The following GALNTL6 variants were observed in gnomAD, a reference collection of about 807,000 sequenced individuals.
GALNTL6 encodes the protein polypeptide N-acetylgalactosaminyltransferase like 6, also known as polypeptide N-acetylgalactosaminyltransferase-like 6.
Under a neutral mutation model 73.7 loss-of-function variants are expected in GALNTL6, and 46 were observed. The ratio of observed to expected loss-of-function variants is 0.62; its 90% CI spans 0.49 to 0.80. GALNTL6 has a LOEUF of 0.80. GALNTL6 is among the 30% of genes least tolerant of loss of function. GALNTL6 has a pLI of 0.00. For synonymous variants in GALNTL6, 259 were observed against 263.7 expected (o/e 0.98, Z 0.17); for missense variants, 604 against 755.0 (o/e 0.80, Z 2.34).
chr4:172,184,153 C>T (rs1735346829), intron 2 of GALNTL6, among the ~76,000 whole-genome samples: 1 of 152,130 alleles, frequency 6.6e-6, no homozygotes, highest in African/African-American at 2.4e-5. Context: ...TTCTGCCCCT[C>T]TCTGAGAAAA....
chr4:172,986,941 A>G (rs535216103), intron 10 of GALNTL6, among the ~76,000 whole-genome samples: 1 of 152,308 alleles, frequency 6.6e-6, no homozygotes, highest in Admixed American at 6.5e-5. Flanking sequence ...TAATTTGGGG[A>G]CTTGCAGGCC....
intron 3 of GALNTL6, among the ~76,000 whole-genome samples, chr4:172,235,168 C>A (rs201776595): frequency 7.1e-6 from 1 of 141,298 alleles, no homozygotes; most frequent in Non-Finnish European, 1.6e-5. Context: ...TTTTTTTTTT[C>A]TTTTTGCTTT....
At position 172,954,580 on chromosome 4, in the gene GALNTL6, C is replaced by G. The variant is rs551676919; in HGVS notation, c.1371+2322C>G. 3.3e-5 allele frequency among the ~76,000 whole-genome samples: 5 copies of G among 152,030 alleles called. No individual in the cohort carries two copies. The South Asian group carries it at 1.0e-3, about 32-fold the overall frequency. On this transcript the variant is annotated intron_variant, in intron 10 of 12. Coordinates refer to ENST00000506823, the MANE Select transcript of GALNTL6 (RefSeq NM_001034845.3). ...CTCTTGGACTCAAGTGATCCTCCCA[C>G]CTCAGCCTTCTGAGTAGCCCAGACT...
intron 5 of GALNTL6, among the ~76,000 whole-genome samples, chr4:172,586,731 G>A (rs907175983): frequency 2.0e-5 from 3 of 152,174 alleles, no homozygotes; most frequent in African/African-American, 7.2e-5. Flanking sequence ...TTTTGAAAGA[G>A]CATTTATAGT....
At chr4:171,879,904 T>C (rs1360985484) in intron 2 of GALNTL6, among the ~76,000 whole-genome samples, 2 of 152,212 alleles carry the variant, frequency 1.3e-5, no homozygotes, top group African/African-American at 4.8e-5. Context: ...TGTTAAATAT[T>C]TTGTTTGGGC....
chr4:172,274,184 A>C (rs1342790088), intron 3 of GALNTL6, among the ~76,000 whole-genome samples: 1 of 152,184 alleles, frequency 6.6e-6, no homozygotes. Flanking sequence ...AAAATTTCTA[A>C]AATGTAAAAA....
intron 5 of GALNTL6, among the ~76,000 whole-genome samples, chr4:172,783,661 C>G (rs1402419788): frequency 6.6e-6 from 1 of 151,672 alleles, no homozygotes; most frequent in African/African-American, 2.4e-5. Flanking sequence ...CGGGTAAAAT[C>G]AAGGTGTTAA....
chr4:172,785,624 A>G (rs1739609733), intron 5 of GALNTL6, among the ~76,000 whole-genome samples: 1 of 152,178 alleles, frequency 6.6e-6, no homozygotes, highest in African/African-American at 2.4e-5. Context: ...ATGATATATC[A>G]GATTATCATA....
chr4:173,024,811 TCAG>T (rs1372710585), intron 12 of GALNTL6, among the ~76,000 whole-genome samples: 2 of 152,176 alleles, frequency 1.3e-5, no homozygotes, highest in Admixed American at 1.3e-4. Context: ...ACTCCTGACC[TCAG>T]GGGATCCGCC....
At chr4:171,865,612 A>G (rs1260522018) in intron 2 of GALNTL6, among the ~76,000 whole-genome samples, 1 of 152,226 alleles carries the variant, frequency 6.6e-6, no homozygotes, top group Non-Finnish European at 1.5e-5. Context: ...AAGTTTTTCT[A>G]AATGAAACAA....
intron 2 of GALNTL6, among the ~76,000 whole-genome samples, chr4:172,026,007 T>C (rs1010421682): frequency 5.9e-5 from 9 of 152,058 alleles, no homozygotes; most frequent in Admixed American, 4.6e-4. Flanking sequence ...GAGAACATCA[T>C]TATATTTAAA....
intron 7 of GALNTL6, among the ~76,000 whole-genome samples, chr4:172,857,547 A>G (rs1365564723): frequency 6.6e-6 from 1 of 152,216 alleles, no homozygotes; most frequent in African/African-American, 2.4e-5. Context: ...TTAAGAAGAG[A>G]ACTAACATTT....
intron 10 of GALNTL6, among the ~76,000 whole-genome samples, chr4:173,003,171 G>A (rs1229861812): frequency 6.6e-6 from 1 of 152,154 alleles, no homozygotes; most frequent in African/African-American, 2.4e-5. Context: ...AACAGCTCAT[G>A]AGAAGATGTC....
chr4:172,312,807 G>A (rs1024756789), intron 4 of GALNTL6, among the ~76,000 whole-genome samples: 1 of 152,052 alleles, frequency 6.6e-6, no homozygotes, highest in Non-Finnish European at 1.5e-5. Flanking sequence ...TTAAAATTAT[G>A]AAATAATTAC....
chr4:172,405,669 G>C (rs1401180886), intron 5 of GALNTL6, among the ~76,000 whole-genome samples: 1 of 151,624 alleles, frequency 6.6e-6, no homozygotes, highest in Admixed American at 6.6e-5. Flanking sequence ...ACCTTGTTCA[G>C]TTGAGCCAGT....
At chr4:171,877,567 G>C (rs887920123) in intron 2 of GALNTL6, among the ~76,000 whole-genome samples, 2 of 150,514 alleles carry the variant, frequency 1.3e-5, no homozygotes, top group African/African-American at 2.4e-5. Flanking sequence ...GTTTTGTTTT[G>C]TTTCTTTTTT....
chr4:172,777,432 T>G (rs1175529589), intron 5 of GALNTL6, among the ~76,000 whole-genome samples: 1 of 152,224 alleles, frequency 6.6e-6, no homozygotes, highest in Non-Finnish European at 1.5e-5. Flanking sequence ...ATATATCATT[T>G]GATAGGTCCA....
At chr4:171,866,468 C>T (rs1735973110) in intron 2 of GALNTL6, among the ~76,000 whole-genome samples, 1 of 152,052 alleles carries the variant, frequency 6.6e-6, no homozygotes, top group African/African-American at 2.4e-5. Flanking sequence ...GTAAAATTAT[C>T]TCATAGGAAA....
chr4:172,614,340 G>A (rs1407201970), intron 5 of GALNTL6, among the ~76,000 whole-genome samples: 1 of 152,058 alleles, frequency 6.6e-6, no homozygotes, highest in East Asian at 1.9e-4. Context: ...GGATCCAAAC[G>A]TGCATCTGCA....
Sources: gnomAD v4.1 joint callset for allele counts (sites outside exome capture counted in the v4.1 genomes callset) on GRCh38, gnomAD v4.1.1 for gene constraint, MANE v1.5 for transcripts, NCBI Gene and HGNC (gene_info 2026-07-23, HGNC 2026-07-21) for gene names.